Variants in FGF12 observed in about 807,000 individuals in gnomAD.
FGF12 encodes the protein fibroblast growth factor 12B.
Under a neutral mutation model 23.6 loss-of-function variants are expected in FGF12, and 14 were observed. The observed-to-expected ratio is 0.59, with a 90% CI of 0.39 to 0.93. The LOEUF (loss-of-function observed/expected upper bound fraction) is 0.93. Ranked by LOEUF, FGF12 falls within the 40% of genes least tolerant of loss-of-function variation. The pLI, the probability that FGF12 is intolerant of heterozygous loss-of-function variation, is 0.00. For synonymous variants in FGF12, 62 were observed against 77.3 expected (o/e 0.80, Z 1.04); for missense variants, 175 against 217.8 (o/e 0.80, Z 1.24).
intron 2 of FGF12, among the ~76,000 whole-genome samples, chr3:192,605,536 C>T (rs1714304625): frequency 6.6e-6 from 1 of 152,108 alleles, no homozygotes; most frequent in South Asian, 2.1e-4. Flanking sequence ...AGCAAAACAA[C>T]TAACAACAGA....
chr3:192,723,749 T>C (rs1477228712), intron 2 of FGF12, among the ~76,000 whole-genome samples: 4 of 151,786 alleles, frequency 2.6e-5, no homozygotes, highest in Non-Finnish European at 5.9e-5. Flanking sequence ...TTTGAAAAGC[T>C]CTACAGGTGT....
intron 4 of FGF12, among the ~76,000 whole-genome samples, chr3:192,305,700 A>G (rs1202601749): frequency 6.8e-6 from 1 of 147,230 alleles, no homozygotes; most frequent in African/African-American, 2.5e-5. Context: ...ATATATAAAT[A>G]TATATAAATC....
chr3:192,350,024 ATAATGATTATAC>A (rs1718146229), intron 3 of FGF12, among the ~76,000 whole-genome samples: 2 of 152,166 alleles, frequency 1.3e-5, no homozygotes, highest in Admixed American at 1.3e-4. Flanking sequence ...TTTCAATGGT[ATAATGATTATAC>A]TATTGCTACT....
intron 2 of FGF12, among the ~76,000 whole-genome samples, chr3:192,378,041 T>TCTTTCTTA: frequency 1.2e-5 from 1 of 82,290 alleles, no homozygotes; most frequent in Non-Finnish European, 2.2e-5. Context: ...TTTCTTTCTT[T>TCTTTCTTA]CTTTCTTTCT....
chr3:192,141,127 C>CA lies in FGF12; in HGVS notation c.*2881_*2882insT, dbSNP rs1396299359. 11 of 21,830 alleles carry CA rather than the reference C, an allele frequency of 5.0e-4. No individual in the cohort carries two copies. The highest frequency in any genetic ancestry group is 3.2e-3 in the South Asian group (2 of 632). 1.4% of individuals were successfully genotyped at this position (21,830 alleles called of 1,614,324 possible). ...TCCTGGGAAAAATCCCAATGCAACT[C>CA]CAAAAAAAAAAAAAAAAAAAAAAAA... On this transcript the variant is annotated 3_prime_UTR_variant, in exon 6 of 6. Transcript: ENST00000445105.
At chr3:192,376,652 G>A (rs968435058) in intron 2 of FGF12, among the ~76,000 whole-genome samples, 4 of 152,116 alleles carry the variant, frequency 2.6e-5, no homozygotes, top group Admixed American at 2.0e-4. Flanking sequence ...GTGAGCCACC[G>A]CGCCTGACCG....
At chr3:192,252,105 A>C (rs1712052528) in intron 4 of FGF12, among the ~76,000 whole-genome samples, 1 of 152,096 alleles carries the variant, frequency 6.6e-6, no homozygotes, top group Non-Finnish European at 1.5e-5. Flanking sequence ...GAGTAACGTG[A>C]AGTCAGAGAC....
chr3:192,562,256 G>A (rs1187986261), intron 2 of FGF12, among the ~76,000 whole-genome samples: 6 of 152,132 alleles, frequency 3.9e-5, no homozygotes, highest in African/African-American at 1.4e-4. Context: ...GAGACTGACT[G>A]GAAGGGATGT....
At chr3:192,218,271 G>A (rs905024645) in intron 4 of FGF12, among the ~76,000 whole-genome samples, 1 of 152,200 alleles carries the variant, frequency 6.6e-6, no homozygotes, top group African/African-American at 2.4e-5. Context: ...AAATAAGTAA[G>A]GAGATACTGG....
chr3:192,159,571 G>T (rs1714746040), intron 5 of FGF12, among the ~76,000 whole-genome samples: 1 of 152,150 alleles, frequency 6.6e-6, no homozygotes, highest in Non-Finnish European at 1.5e-5. Flanking sequence ...GGAGGTCAAG[G>T]TGGTATTACT....
intron 2 of FGF12, among the ~76,000 whole-genome samples, chr3:192,469,409 C>T (rs896115988): frequency 6.6e-6 from 1 of 152,162 alleles, no homozygotes; most frequent in Non-Finnish European, 1.5e-5. Flanking sequence ...CCTACTAATA[C>T]CTGTAAATCC....
chr3:192,527,548 A>C (rs1166829446), intron 2 of FGF12, among the ~76,000 whole-genome samples: 2 of 152,222 alleles, frequency 1.3e-5, no homozygotes, highest in South Asian at 2.1e-4. Context: ...GTAAGCATTC[A>C]ATATGTAGAT....
At chr3:192,643,044 T>C (rs1220869296) in intron 2 of FGF12, among the ~76,000 whole-genome samples, 4 of 152,256 alleles carry the variant, frequency 2.6e-5, no homozygotes, top group Non-Finnish European at 5.9e-5. Context: ...ATTAAGTGTT[T>C]CTTCATGGAA....
In FGF12 at chr3:192,420,102, G is replaced by A. The variant is rs369702605; in HGVS notation, c.14-59564C>T. Among the ~76,000 whole-genome samples the A allele has an allele frequency of 3.9e-5, 6 of 152,198 alleles. No individual in the cohort carries two copies. The South Asian group carries it at 1.2e-3, about 32-fold the overall frequency. On this transcript the variant is annotated intron_variant, in intron 2 of 5. Coordinates refer to ENST00000445105, the MANE Select transcript of FGF12 (RefSeq NM_004113.6). ...TGGAAGATGGTCATTGACTCTTTTG[G>A]ATTCTTGTGTAGGAAAGATCCCAGT...
intron 4 of FGF12, among the ~76,000 whole-genome samples, chr3:192,206,739 A>C (rs1023980787): frequency 6.6e-6 from 1 of 152,196 alleles, no homozygotes; most frequent in Non-Finnish European, 1.5e-5. Flanking sequence ...TTATTTCTTC[A>C]AAAGTTGCCT....
At chr3:192,627,696 T>A (rs761076155) in intron 2 of FGF12, among the ~76,000 whole-genome samples, 9 of 152,180 alleles carry the variant, frequency 5.9e-5, no homozygotes, top group Non-Finnish European at 1.3e-4. Flanking sequence ...CAGATTCACA[T>A]GCAACTGTAA....
intron 2 of FGF12, among the ~76,000 whole-genome samples, chr3:192,506,394 G>T (rs780369844): frequency 2.3e-4 from 35 of 152,030 alleles, no homozygotes; most frequent in Admixed American, 2.2e-3. Flanking sequence ...GTTTTGAGAC[G>T]AAGTCTCCCT....
intron 2 of FGF12, among the ~76,000 whole-genome samples, chr3:192,442,808 C>CTTTTTTTT (rs764710938): frequency 7.2e-6 from 1 of 139,752 alleles, no homozygotes; most frequent in African/African-American, 2.6e-5. Flanking sequence ...TGTATTCTAT[C>CTTTTTTTT]TTTTTTTTTT....
At position 192,514,983 on chromosome 3, in the gene FGF12, G is replaced by T; in HGVS notation, c.14-154445C>A. 2.5e-6 allele frequency: 1 copy of T among 395,944 alleles called. No homozygotes were observed. Among genetic ancestry groups the T allele is most frequent in the Non-Finnish European group, 3.4e-6 (1 of 291,088 alleles). 24.5% of individuals were successfully genotyped at this position (395,944 alleles called of 1,614,324 possible). On this transcript the variant is annotated intron_variant, in intron 2 of 5. Transcript: ENST00000445105. This position sits in a 1 kb window ranked among gnomAD's most constrained non-coding sequence, Gnocchi z 4.9. ...CAGCCCTCCGAGAGCCCGAGGCGCT[G>T]CCACCCCTCGGTGGGCTCGAGCACG...
Sources: gnomAD v4.1 joint callset for allele counts (sites outside exome capture counted in the v4.1 genomes callset) on GRCh38, gnomAD v4.1.1 for gene constraint, Gnocchi (gnomAD v3.1) non-coding constraint, MANE v1.5 for transcripts, NCBI Gene and HGNC (gene_info 2026-07-23, HGNC 2026-07-21) for gene names.